Variants in EWSR1 observed in about 807,000 individuals in gnomAD.
EWSR1 encodes EWS RNA binding protein 1.
EWSR1 carries 14 observed loss-of-function variants against 92.1 expected under a neutral mutation model. The ratio of observed to expected loss-of-function variants is 0.15; its 90% confidence interval spans 0.10 to 0.24. The LOEUF (loss-of-function observed/expected upper bound fraction) is 0.24, where lower values mean the gene tolerates loss of function less well. Ranked by LOEUF, EWSR1 falls within the 10% of genes least tolerant of loss-of-function variation. EWSR1 has a pLI of 1.00. For synonymous variants in EWSR1, 303 were observed against 292.9 expected (o/e 1.03, Z -0.35); for missense variants, 637 against 870.9 (o/e 0.73, Z 3.38).
chr22:29,273,838 C>T lies in EWSR1; in HGVS notation c.200C>T (p.Ala67Val). Reference sequence around the variant, plus strand: ...GCAACCTATGGGCAGACCGCCTATGCAACTTCTTATGGACAGCCTCCCACT... The same window carrying T: ...GCAACCTATGGGCAGACCGCCTATGTAACTTCTTATGGACAGCCTCCCACT... ...TTATYGQTAY[A>V]TSYGQPPTGY... is the part of the protein sequence containing the mutation. The change falls in exon 4 of 17, where the codon GCA (alanine) becomes GTA (valine). Residue 67 changes from alanine (A) to valine (V), a missense_variant. By Grantham distance (64) the Ala-to-Val change is moderately conservative. Around this residue, in one of 5 missense-constraint regions of EWSR1, gnomAD observed 144 missense variants for 189.0 expected, o/e 0.76. Coordinates refer to ENST00000397938, the MANE Select transcript of EWSR1 (RefSeq NM_005243.4). The T allele has an allele frequency of 6.2e-7, 1 of 1,614,054 alleles. No individual in the cohort carries two copies. Among genetic ancestry groups the T allele is most frequent in the Non-Finnish European group, 8.5e-7 (1 of 1,179,942 alleles).
chr22:29,281,419 C>T (rs1389245025), intron 5 of EWSR1, among the ~76,000 whole-genome samples: 1 of 152,016 alleles, frequency 6.6e-6, no homozygotes, highest in Non-Finnish European at 1.5e-5. Context: ...TCCCTCCCAC[C>T]TCAGTCTTCC....
chr22:29,293,653 C>T (rs1360569206), intron 11 of EWSR1, among the ~76,000 whole-genome samples: 1 of 152,148 alleles, frequency 6.6e-6, no homozygotes, highest in Non-Finnish European at 1.5e-5. Context: ...CAGCCTCTGG[C>T]TCCTGGGTTC....
At chr22:29,293,010 C>G (rs1280707117) in intron 11 of EWSR1, among the ~76,000 whole-genome samples, 1 of 152,008 alleles carries the variant, frequency 6.6e-6, no homozygotes, top group Non-Finnish European at 1.5e-5. Flanking sequence ...TTGGCGCCTC[C>G]CAAAGTGCTG....
At chr22:29,290,112 G>C (rs1010273182) in intron 8 of EWSR1, 1 of 284,616 alleles carries the variant, frequency 3.5e-6, no homozygotes, top group Non-Finnish European at 6.6e-6. Flanking sequence ...TTTGCTAGTA[G>C]AGGGGGCCCC....
intron 11 of EWSR1, among the ~76,000 whole-genome samples, chr22:29,294,920 A>G (rs2060734212): frequency 6.6e-6 from 1 of 152,004 alleles, no homozygotes; most frequent in Non-Finnish European, 1.5e-5. Context: ...TCAAAAAAAA[A>G]AAGGAAATAC....
intron 4 of EWSR1, 50 bp downstream of exon 4, chr22:29,273,914 G>A: frequency 1.2e-6 from 2 of 1,606,066 alleles, no homozygotes; most frequent in Non-Finnish European, 1.7e-6. Context: ...TAGGGCATTG[G>A]CTAAGAAGCT....
intron 5 of EWSR1, among the ~76,000 whole-genome samples, chr22:29,278,561 A>AG (rs2059305923): frequency 6.6e-6 from 1 of 152,146 alleles, no homozygotes; most frequent in Non-Finnish European, 1.5e-5. Flanking sequence ...GCAGTGGCTC[A>AG]CGCCTGTAAT....
chr22:29,293,208 C>T (rs755647964), intron 11 of EWSR1, among the ~76,000 whole-genome samples: 12 of 151,952 alleles, frequency 7.9e-5, no homozygotes, highest in Non-Finnish European at 2.9e-5. Flanking sequence ...GGATTTTTGC[C>T]TGTTGGCCGG....
chr22:29,291,668 T>G (rs1223218245), intron 9 of EWSR1, 69 bp downstream of exon 9: 2 of 1,413,472 alleles, frequency 1.4e-6, no homozygotes, highest in Non-Finnish European at 1.9e-6. Context: ...AAAACTATAA[T>G]TTTTTTATTA....
chr22:29,268,803 G>A (rs1014649547), intron 1 of EWSR1, among the ~76,000 whole-genome samples: 5 of 152,246 alleles, frequency 3.3e-5, no homozygotes, highest in African/African-American at 1.2e-4. Context: ...TGAGAAACCA[G>A]GGGAAAAAGC....
rs1372262176 is a variant in EWSR1, at chr22:29,271,981, A to G, written c.14-235A>G. 2.0e-5 allele frequency among the ~76,000 whole-genome samples: 3 copies of G among 152,132 alleles called. No homozygotes were observed. The East Asian group carries it at 5.8e-4, about 29-fold the overall frequency. On this transcript the variant is annotated intron_variant, in intron 1 of 16. Coordinates refer to ENST00000397938, the MANE Select transcript of EWSR1 (RefSeq NM_005243.4). ...GGGAACATAAAAAGTATACCTGCCA[A>G]ATCAGCTGATCTTGACCTCATTAGC... is the stretch of plus-strand genomic sequence containing the variant.
intron 11 of EWSR1, chr22:29,295,700 T>C (rs1239492789): frequency 2.2e-5 from 5 of 223,044 alleles, no homozygotes; most frequent in Admixed American, 1.1e-4. Context: ...CGTGAAGATA[T>C]TCTTATACAA....
chr22:29,294,711 C>T (rs1028177247), intron 11 of EWSR1, among the ~76,000 whole-genome samples: 1 of 151,898 alleles, frequency 6.6e-6, no homozygotes, highest in African/African-American at 2.4e-5. Flanking sequence ...GTCAAGAGAT[C>T]GAGACCATCC....
intron 8 of EWSR1, chr22:29,289,061 A>T: frequency 2.6e-6 from 1 of 385,234 alleles, no homozygotes; most frequent in Non-Finnish European, 4.7e-6. Flanking sequence ...TGGTTTCCAG[A>T]GGTGAGAAGC....
intron 5 of EWSR1, among the ~76,000 whole-genome samples, chr22:29,281,833 C>T (rs2059631921): frequency 1.3e-5 from 2 of 152,132 alleles, no homozygotes; most frequent in Admixed American, 6.6e-5. Context: ...GATCCGCCCT[C>T]CTCGGCCTCC....
At chr22:29,295,734 C>G (rs2060808487) in intron 11 of EWSR1, 1 of 225,820 alleles carries the variant, frequency 4.4e-6, no homozygotes, top group Non-Finnish European at 8.8e-6. Context: ...TTCAAGTCAA[C>G]CACATCTGAT....
intron 3 of EWSR1, among the ~76,000 whole-genome samples, chr22:29,273,505 C>T (rs1426289532): frequency 1.3e-5 from 2 of 152,078 alleles, no homozygotes; most frequent in East Asian, 1.9e-4. Flanking sequence ...AATGACATTG[C>T]CTACTTACCT....
At chr22:29,276,958 G>A (rs547956186) in intron 4 of EWSR1, 3 of 231,248 alleles carry the variant, frequency 1.3e-5, no homozygotes, top group African/African-American at 6.6e-5. Context: ...TGTACCCATT[G>A]ACCATGAGGA....
intron 4 of EWSR1, among the ~76,000 whole-genome samples, chr22:29,274,632 C>T (rs1339028783): frequency 6.6e-6 from 1 of 152,252 alleles, no homozygotes; most frequent in South Asian, 2.1e-4. Flanking sequence ...GACTGCCACC[C>T]TGCATGTATC....
Sources: gnomAD v4.1 joint callset for allele counts (sites outside exome capture counted in the v4.1 genomes callset) on GRCh38, gnomAD v4.1.1 for gene constraint, gnomAD v4.1.1 regional missense constraint, MANE v1.5 for transcripts, NCBI Gene and HGNC (gene_info 2026-07-23, HGNC 2026-07-21) for gene names.